Variants in TMEM132D observed in about 807,000 individuals in gnomAD.
TMEM132D encodes mature OL transmembrane protein.
TMEM132D carries 21 observed loss-of-function variants against 62.3 expected under a neutral mutation model. The ratio of observed to expected loss-of-function variants is 0.34; its 90% confidence interval spans 0.24 to 0.49. TMEM132D has a LOEUF of 0.49. Ranked by LOEUF, TMEM132D falls within the 20% of genes least tolerant of loss-of-function variation. The pLI is 0.99. For synonymous variants in TMEM132D, 621 were observed against 575.6 expected, an observed-to-expected ratio of 1.08 and a Z score of -1.13; for missense variants, 1,346 against 1,402.8, an observed-to-expected ratio of 0.96 and a Z score of 0.65.
intron 2 of TMEM132D, among the ~76,000 whole-genome samples, chr12:129,577,115 T>C (rs1877685241): frequency 6.6e-6 from 1 of 151,836 alleles, no homozygotes; most frequent in Non-Finnish European, 1.5e-5. Context: ...GTTTACAGTA[T>C]TGCACTAAAC....
At chr12:129,126,245 A>G (rs7308614) in intron 5 of TMEM132D, among the ~76,000 whole-genome samples, 150,584 of 152,298 alleles carry the variant, frequency 0.99, 74,459 homozygotes, top group Middle Eastern at 1. Context: ...ATCCATATTC[A>G]TATCTTATCT....
At chr12:129,648,983 G>A (rs1219011582) in intron 2 of TMEM132D, among the ~76,000 whole-genome samples, 3 of 152,170 alleles carry the variant, frequency 2.0e-5, no homozygotes, top group Admixed American at 2.0e-4. Context: ...ACTGACTCCG[G>A]AGGGAAGGAA....
At chr12:129,503,764 G>A (rs1020259588) in intron 3 of TMEM132D, among the ~76,000 whole-genome samples, 1 of 152,156 alleles carries the variant, frequency 6.6e-6, no homozygotes, top group Admixed American at 6.5e-5. Flanking sequence ...TTGACCCCAA[G>A]CTTAGGGAAC....
At chr12:129,747,669 TCAGA>T (rs1292022813) in intron 1 of TMEM132D, among the ~76,000 whole-genome samples, 2 of 146,384 alleles carry the variant, frequency 1.4e-5, no homozygotes, top group African/African-American at 2.6e-5. Flanking sequence ...ACACACACAT[TCAGA>T]CACACACAGA....
chr12:129,535,777 C>CGTGTGTGTGTGTGT (rs779067793), intron 2 of TMEM132D, among the ~76,000 whole-genome samples: 8 of 74,672 alleles, frequency 1.1e-4, no homozygotes, highest in Admixed American at 4.4e-4. Context: ...GATTTGTGTG[C>CGTGTGTGTGTGTGT]GTGTGTGTGT....
At chr12:129,899,512 G>A (rs1484596231) in intron 1 of TMEM132D, among the ~76,000 whole-genome samples, 1 of 152,162 alleles carries the variant, frequency 6.6e-6, no homozygotes, top group Non-Finnish European at 1.5e-5. Context: ...ACGGATGAAT[G>A]AACGGGTGGA....
Position 129,588,516 on chromosome 12 carries a change from G to A in TMEM132D, c.969-57311C>T, listed in dbSNP as rs373528748. ...GGCCTGAAATAGGATGCATGGAGTT[G>A]CCAGAGAAGGTGGATGAAAGGTGAA... On this transcript the variant is annotated intron_variant, in intron 2 of 8. Coordinates refer to ENST00000422113, the MANE Select transcript of TMEM132D (RefSeq NM_133448.3). 1.8e-4 allele frequency among the ~76,000 whole-genome samples: 27 copies of A among 152,238 alleles called. 1 individual carries two copies. In the East Asian group the frequency reaches 2.1e-3, roughly 12 times the overall value.
intron 5 of TMEM132D, among the ~76,000 whole-genome samples, chr12:129,203,310 G>C (rs1878759138): frequency 6.6e-6 from 1 of 152,162 alleles, no homozygotes. Flanking sequence ...AGATTCTGGG[G>C]GTTCCCTAAT....
intron 5 of TMEM132D, among the ~76,000 whole-genome samples, chr12:129,164,131 C>G: frequency 6.6e-6 from 1 of 152,158 alleles, no homozygotes; most frequent in East Asian, 1.9e-4. Context: ...AACAAAACAG[C>G]CTGGACTGAA....
chr12:129,420,760 A>C (rs1313861799), intron 3 of TMEM132D, among the ~76,000 whole-genome samples: 1 of 152,160 alleles, frequency 6.6e-6, no homozygotes, highest in Non-Finnish European at 1.5e-5. Flanking sequence ...AATCACACAA[A>C]GTTAACTGCA....
chr12:129,832,924 C>T (rs1260163354), intron 1 of TMEM132D, among the ~76,000 whole-genome samples: 1 of 152,168 alleles, frequency 6.6e-6, no homozygotes, highest in Non-Finnish European at 1.5e-5. Context: ...AACTAGCAAA[C>T]TCATTTAACT....
intron 1 of TMEM132D, among the ~76,000 whole-genome samples, chr12:129,715,114 A>C (rs947160305): frequency 6.6e-6 from 1 of 152,236 alleles, no homozygotes; most frequent in African/African-American, 2.4e-5. Flanking sequence ...GCTTAAAGAA[A>C]TCCACAAAAC....
intron 3 of TMEM132D, among the ~76,000 whole-genome samples, chr12:129,339,629 C>G (rs1869403342): frequency 6.6e-6 from 1 of 152,186 alleles, no homozygotes; most frequent in Admixed American, 6.5e-5. Context: ...AAGCCCCTGA[C>G]TGGCATTTCT....
At chr12:129,345,318 G>A (rs569625172) in intron 3 of TMEM132D, among the ~76,000 whole-genome samples, 69 of 152,130 alleles carry the variant, frequency 4.5e-4, no homozygotes, top group Non-Finnish European at 8.1e-4. Flanking sequence ...AGTGGAACTC[G>A]GCCAGTGGCA....
chr12:129,896,684 G>C (rs71466464), intron 1 of TMEM132D, among the ~76,000 whole-genome samples: 2 of 151,936 alleles, frequency 1.3e-5, no homozygotes, highest in South Asian at 4.1e-4. Flanking sequence ...GGAACCTCTT[G>C]TCTTTCCAAA....
intron 3 of TMEM132D, among the ~76,000 whole-genome samples, chr12:129,485,197 C>T (rs941038418): frequency 2.0e-5 from 3 of 152,120 alleles, no homozygotes; most frequent in African/African-American, 7.2e-5. Flanking sequence ...GGCTCAGTCC[C>T]ACGGGGAAAC....
At chr12:129,084,472 C>T (rs747387094) in intron 6 of TMEM132D, 25 bp downstream of exon 6, 4 of 1,565,092 alleles carry the variant, frequency 2.6e-6, no homozygotes, top group Non-Finnish European at 8.7e-7. Context: ...CTTAGCCTGC[C>T]ATGGAGTTTC....
At chr12:129,799,131 GGCA>G (rs1871661907) in intron 1 of TMEM132D, among the ~76,000 whole-genome samples, 1 of 151,980 alleles carries the variant, frequency 6.6e-6, no homozygotes, top group South Asian at 2.1e-4. Context: ...TGGGTGTGGT[GGCA>G]GGCGCCTGTA....
intron 2 of TMEM132D, among the ~76,000 whole-genome samples, chr12:129,601,005 A>C (rs1430051097): frequency 2.0e-5 from 3 of 151,912 alleles, no homozygotes; most frequent in Non-Finnish European, 2.9e-5. Context: ...CTCTCTAGCT[A>C]TGAAAGTCCT....
Sources: allele counts gnomAD v4.1 joint callset (sites outside exome capture counted in the v4.1 genomes callset), GRCh38; gene constraint gnomAD v4.1.1; transcripts MANE v1.5; gene names NCBI Gene and HGNC (gene_info 2026-07-23, HGNC 2026-07-21).